The following ZNF608 variants were observed in gnomAD, a reference collection of about 807,000 sequenced individuals.
The protein encoded by ZNF608 is zinc finger protein 608, also known as renal carcinoma antigen NY-REN-36.
A neutral mutation model predicts 109.0 loss-of-function variants in ZNF608; 12 were observed. That is an observed-to-expected ratio of 0.11 (90% CI 0.07 to 0.18). The LOEUF is 0.18. ZNF608 is among the 10% of genes least tolerant of loss of function. The pLI is 1.00. For missense variants in ZNF608, 1,707 were observed against 1,879.3 expected (o/e 0.91, Z 1.70); for synonymous variants, 732 against 717.4 (o/e 1.02, Z -0.33).
At chr5:124,740,153 T>C (rs1749323687) in intron 2 of ZNF608, among the ~76,000 whole-genome samples, 1 of 152,182 alleles carries the variant, frequency 6.6e-6, no homozygotes, top group Non-Finnish European at 1.5e-5. Flanking sequence ...ATTCCTTCTC[T>C]CTCCAGCAAA....
chr5:124,641,219 G>A (rs772191782), intron 8 of ZNF608, 33 bp downstream of exon 8: 13 of 1,612,592 alleles, frequency 8.1e-6, no homozygotes, highest in Non-Finnish European at 2.5e-6. Context: ...AAAGCAGAAT[G>A]GACAAAGACA....
In ZNF608 at chr5:124,647,449, G is replaced by A; in HGVS notation, c.2935C>T (p.His979Tyr). ...GATGATTGTGCTGTAGTTGAAGAAT[G>A]CCCTTTTACAACACTGTCCTTACTA... ...ISSKDSVVKG[H>Y]SSTTAQSSQL... The change falls in exon 5 of 10, where the codon CAT becomes TAT. Residue 979 changes from histidine (H) to tyrosine (Y), a missense_variant. By Grantham distance (83) the His-to-Tyr change is moderately conservative. Transcript: ENST00000513986. The A allele has an allele frequency of 6.2e-6, 10 of 1,614,222 alleles. No individual in the cohort carries two copies. Among genetic ancestry groups the A allele is most frequent in the Non-Finnish European group, 8.5e-6 (10 of 1,180,042 alleles).
At chr5:124,689,414 T>A (rs956337028) in intron 3 of ZNF608, among the ~76,000 whole-genome samples, 2 of 150,144 alleles carry the variant, frequency 1.3e-5, no homozygotes, top group African/African-American at 4.9e-5. Context: ...ATCACACCAC[T>A]GCAATCCAGC....
intron 3 of ZNF608, among the ~76,000 whole-genome samples, chr5:124,684,958 G>C (rs1752344024): frequency 1.3e-5 from 2 of 152,150 alleles, no homozygotes; most frequent in Middle Eastern, 3.2e-3. Flanking sequence ...TGCAGCCAAA[G>C]AATAAAGAAT....
intron 9 of ZNF608, 41 bp from the exon 10 acceptor site, chr5:124,637,947 C>T (rs2149777368): frequency 6.2e-7 from 1 of 1,609,646 alleles, no homozygotes; most frequent in Non-Finnish European, 8.5e-7. Context: ...GTTCTATCAA[C>T]ATTTTGTTTG....
intron 2 of ZNF608, among the ~76,000 whole-genome samples, chr5:124,706,429 C>T (rs1327042960): frequency 6.6e-6 from 1 of 152,122 alleles, no homozygotes; most frequent in Non-Finnish European, 1.5e-5. Flanking sequence ...GGTGGTTTGG[C>T]CCTATGGGAC....
At chr5:124,658,067 T>A (rs1307030350) in intron 3 of ZNF608, among the ~76,000 whole-genome samples, 1 of 152,124 alleles carries the variant, frequency 6.6e-6, no homozygotes, top group Non-Finnish European at 1.5e-5. Flanking sequence ...GTTCCTCTAG[T>A]AGTTCCTGCT....
chr5:124,700,421 G>T (rs1045136531), intron 3 of ZNF608, among the ~76,000 whole-genome samples: 15 of 152,220 alleles, frequency 9.9e-5, no homozygotes, highest in African/African-American at 3.6e-4. Context: ...CTAATGGATT[G>T]CATTTGCCAA....
intron 2 of ZNF608, among the ~76,000 whole-genome samples, chr5:124,717,698 T>G (rs567346463): frequency 6.6e-6 from 1 of 152,324 alleles, no homozygotes; most frequent in South Asian, 2.1e-4. Flanking sequence ...GTTTTAGTTT[T>G]ATAAATGAGG....
At position 124,719,695 on chromosome 5, in the gene ZNF608, G is replaced by T. The variant is rs183432031; in HGVS notation, c.907-18426C>A. Among the ~76,000 whole-genome samples, 4 of 152,274 alleles carry T rather than the reference G, an allele frequency of 2.6e-5. No individual in the cohort carries two copies. The East Asian group carries it at 7.7e-4, about 29-fold the overall frequency. The stretch of plus-strand genomic sequence containing the variant: ...GGGGATCAAAGATTCTTAATCTGGG[G>T]TTCAAAGATTTGTGGGGCCTCAGAA... On this transcript the variant is annotated intron_variant, in intron 2 of 9. Coordinates refer to ENST00000513986, the MANE Select transcript of ZNF608 (RefSeq NM_020747.3).
chr5:124,668,444 C>T (rs1334988725), intron 3 of ZNF608, among the ~76,000 whole-genome samples: 1 of 151,390 alleles, frequency 6.6e-6, no homozygotes, highest in Non-Finnish European at 1.5e-5. Flanking sequence ...TCTTGGAGAT[C>T]ACTTATTCCA....
Position 124,694,142 on chromosome 5 carries a change from A to ATTT in ZNF608, c.1162+6869_1162+6871dup, listed in dbSNP as rs11320730. Reference sequence around the variant, plus strand: ...AGGCGCCCGCCACCACGCTCGGCTAATTTTTTTTTTTTTTTTTTTTTTTTT... The same window carrying ATTT: ...AGGCGCCCGCCACCACGCTCGGCTAATTTTTTTTTTTTTTTTTTTTTTTTTTTT... On this transcript the variant is annotated intron_variant, in intron 3 of 9. Transcript: ENST00000513986. Among the ~76,000 whole-genome samples, 250 of 63,904 alleles carry ATTT rather than the reference A, an allele frequency of 3.9e-3. 3 individuals are homozygous for ATTT. The highest frequency in any genetic ancestry group is 9.1e-3 in the African/African-American group (165 of 18,068). 41.9% of individuals were successfully genotyped at this position (63,904 alleles called of 152,430 possible). A position where few individuals can be genotyped will look rare whatever the true frequency, so the allele number is the denominator to read the frequency against.
At chr5:124,707,036 G>A (rs894498054) in intron 2 of ZNF608, among the ~76,000 whole-genome samples, 1 of 152,166 alleles carries the variant, frequency 6.6e-6, no homozygotes, top group Non-Finnish European at 1.5e-5. Context: ...GGAAACCCTG[G>A]CAATATTTTC....
At position 124,646,205 on chromosome 5, in the gene ZNF608, C is replaced by CAAA. The variant is rs543389567; in HGVS notation, c.3705+471_3705+473dup. Among the ~76,000 whole-genome samples, 4 of 151,960 alleles carry CAAA rather than the reference C, an allele frequency of 2.6e-5. No individual in the cohort carries two copies. The East Asian group carries it at 5.8e-4, about 22-fold the overall frequency. On this transcript the variant is annotated intron_variant, in intron 5 of 9. Coordinates refer to ENST00000513986, the MANE Select transcript of ZNF608 (RefSeq NM_020747.3). ...TGAAACCCCATCTCTACTAAAAATA[C>CAAA]AAAAAATTAGCCGGGCATGGTGGCA... is the stretch of plus-strand genomic sequence containing the variant.
intron 3 of ZNF608, among the ~76,000 whole-genome samples, chr5:124,668,216 ATT>A (rs1491394251): frequency 3.2e-4 from 37 of 115,134 alleles, no homozygotes; most frequent in African/African-American, 9.5e-4. Context: ...ATATATATAT[ATT>A]ATATATATAT....
intron 3 of ZNF608, among the ~76,000 whole-genome samples, chr5:124,691,408 A>T (rs115910871): frequency 6.6e-6 from 1 of 152,166 alleles, no homozygotes; most frequent in Non-Finnish European, 1.5e-5. Context: ...ATGCAATCAA[A>T]ACCATGAGAC....
At chr5:124,711,563 A>T (rs1753489160) in intron 2 of ZNF608, among the ~76,000 whole-genome samples, 1 of 152,218 alleles carries the variant, frequency 6.6e-6, no homozygotes, top group Non-Finnish European at 1.5e-5. Context: ...GACAGGAATC[A>T]TGTATTAACC....
At chr5:124,748,273 C>T (rs539088504), upstream of ZNF608, among the ~76,000 whole-genome samples, 1 of 152,288 alleles carries the variant, frequency 6.6e-6, no homozygotes, top group South Asian at 2.1e-4. Context: ...AACTGTGTCA[C>T]TTTTATTCTC....
At chr5:124,700,927 C>G in intron 3 of ZNF608, 87 bp downstream of exon 3, 2 of 1,545,768 alleles carry the variant, frequency 1.3e-6, no homozygotes, top group Non-Finnish European at 8.8e-7. Flanking sequence ...CTCTGAATAC[C>G]GCAAAACAAA....
Sources: gnomAD v4.1 joint callset for allele counts (sites outside exome capture counted in the v4.1 genomes callset) on GRCh38, gnomAD v4.1.1 for gene constraint, MANE v1.5 for transcripts, NCBI Gene and HGNC (gene_info 2026-07-23, HGNC 2026-07-21) for gene names.